The following TFEC variants were observed in gnomAD, a reference collection of about 807,000 sequenced individuals.
TFEC encodes the protein transcription factor EC.
A neutral mutation model predicts 41.6 loss-of-function variants in TFEC; 31 were observed. That is an observed-to-expected ratio of 0.74 (90% CI 0.56 to 1.01). The LOEUF is 1.01. Ranked by LOEUF, TFEC falls within the 50% of genes least tolerant of loss-of-function variation. The pLI, the probability that TFEC is intolerant of heterozygous loss-of-function variation, is 0.00. For synonymous variants in TFEC, 143 were observed against 140.6 expected (o/e 1.02, Z -0.12); for missense variants, 402 against 404.1 (o/e 0.99, Z 0.04).
chr7:116,088,204 T>C (rs939452683), intron 3 of TFEC, among the ~76,000 whole-genome samples: 7 of 151,972 alleles, frequency 4.6e-5, no homozygotes, highest in African/African-American at 1.7e-4. Flanking sequence ...TCTAACCTTC[T>C]CAAAGAGTGG....
At chr7:116,067,790 T>G (rs1796729657) in intron 3 of TFEC, among the ~76,000 whole-genome samples, 1 of 151,968 alleles carries the variant, frequency 6.6e-6, no homozygotes, top group Non-Finnish European at 1.5e-5. Context: ...TTACTCCACA[T>G]TCCTCTTCGG....
intron 1 of TFEC, among the ~76,000 whole-genome samples, chr7:116,114,680 C>G (rs770554306): frequency 4.6e-5 from 7 of 151,912 alleles, no homozygotes; most frequent in South Asian, 2.1e-4. Context: ...ATCTCTTGGT[C>G]AAAGACCTTT....
At chr7:116,084,457 A>G (rs1797157943) in intron 3 of TFEC, among the ~76,000 whole-genome samples, 1 of 151,838 alleles carries the variant, frequency 6.6e-6, no homozygotes, top group African/African-American at 2.4e-5. Context: ...ACCTTTCTAC[A>G]CTGAGTCCGA....
intron 1 of TFEC, among the ~76,000 whole-genome samples, chr7:116,144,729 T>C (rs1472409531): frequency 1.3e-5 from 2 of 152,174 alleles, no homozygotes; most frequent in Non-Finnish European, 2.9e-5. Flanking sequence ...ATCCAATCAG[T>C]TGAAAGCCTT....
intron 1 of TFEC, among the ~76,000 whole-genome samples, chr7:116,017,573 TG>T (rs1367697503): frequency 5.9e-5 from 9 of 152,088 alleles, no homozygotes; most frequent in Admixed American, 5.9e-4. Context: ...ACCTTCGTGT[TG>T]AATAGGTGAT....
At chr7:116,026,318 G>C (rs1795582398) in intron 1 of TFEC, among the ~76,000 whole-genome samples, 1 of 152,152 alleles carries the variant, frequency 6.6e-6, no homozygotes, top group Non-Finnish European at 1.5e-5. Context: ...TTAAAGATAT[G>C]CTTCACCCAT....
chr7:116,030,103 T>C (rs1189178458), intron 1 of TFEC, among the ~76,000 whole-genome samples: 1 of 152,112 alleles, frequency 6.6e-6, no homozygotes, highest in African/African-American at 2.4e-5. Context: ...TGACATCTTC[T>C]ACACAAGCTA....
Position 115,939,914 on chromosome 7 carries a change from A to G in TFEC, c.*637T>C, listed in dbSNP as rs1178807599. The G allele has an allele frequency of 2.0e-5, 3 of 152,092 alleles. No individual in the cohort carries two copies. The highest frequency in any genetic ancestry group is 7.2e-5 in the African/African-American group (3 of 41,444). 9.4% of individuals were successfully genotyped at this position (152,092 alleles called of 1,614,324 possible). A position where few individuals can be genotyped will look rare whatever the true frequency, so the allele number is the denominator to read the frequency against. ...TAGAATTAGTGTAATTGAACCAACT[A>G]CAATAAAATGAGGATCTAATTTTAG... On this transcript the variant is annotated 3_prime_UTR_variant, in exon 8 of 8. Transcript: ENST00000265440.
chr7:115,961,265 C>T (rs1306209956), intron 3 of TFEC, among the ~76,000 whole-genome samples: 1 of 151,608 alleles, frequency 6.6e-6, no homozygotes, highest in Non-Finnish European at 1.5e-5. Context: ...AAACCCTCAA[C>T]ACATTTCATA....
At chr7:115,971,383 C>A (rs1400431477) in intron 3 of TFEC, among the ~76,000 whole-genome samples, 2 of 151,384 alleles carry the variant, frequency 1.3e-5, no homozygotes, top group Non-Finnish European at 3.0e-5. Context: ...AAAAAAAAAA[C>A]CTTACATATC....
At chr7:115,989,945 C>A (rs1794032403) in intron 1 of TFEC, among the ~76,000 whole-genome samples, 1 of 152,138 alleles carries the variant, frequency 6.6e-6, no homozygotes, top group Admixed American at 6.6e-5. Context: ...GGTCCCTGAC[C>A]CCCAAATAAC....
At chr7:116,139,619 C>A (rs1212206391) in intron 1 of TFEC, among the ~76,000 whole-genome samples, 2 of 152,122 alleles carry the variant, frequency 1.3e-5, no homozygotes, top group African/African-American at 4.8e-5. Flanking sequence ...TAAACCAAAT[C>A]TTAAGAAACA....
intron 1 of TFEC, among the ~76,000 whole-genome samples, chr7:116,007,203 TC>T (rs1484523600): frequency 6.6e-6 from 1 of 151,986 alleles, no homozygotes; most frequent in African/African-American, 2.4e-5. Context: ...CTGATAGAGA[TC>T]CATGGGAAAG....
intron 3 of TFEC, among the ~76,000 whole-genome samples, chr7:115,963,478 T>A (rs889648948): frequency 6.6e-6 from 1 of 151,706 alleles, no homozygotes; most frequent in Admixed American, 6.6e-5. Context: ...AAACAGATAA[T>A]TGTACACCAG....
intron 1 of TFEC, among the ~76,000 whole-genome samples, chr7:116,127,216 C>T (rs1325785727): frequency 6.6e-6 from 1 of 152,032 alleles, no homozygotes; most frequent in Non-Finnish European, 1.5e-5. Context: ...CTGCCTCAGC[C>T]TCCCGAGTAG....
At chr7:116,150,824 T>C (rs1031080807) in intron 1 of TFEC, among the ~76,000 whole-genome samples, 1 of 152,180 alleles carries the variant, frequency 6.6e-6, no homozygotes, top group Non-Finnish European at 1.5e-5. Context: ...GGAAGGCATG[T>C]GAGTGTGACT....
chr7:115,970,707 A>T (rs1375773447), intron 3 of TFEC, among the ~76,000 whole-genome samples: 1 of 151,944 alleles, frequency 6.6e-6, no homozygotes, highest in Non-Finnish European at 1.5e-5. Context: ...ATGAACTAGG[A>T]CAATTATTCA....
At chr7:116,117,185 T>A (rs1392768665) in intron 1 of TFEC, among the ~76,000 whole-genome samples, 1 of 151,856 alleles carries the variant, frequency 6.6e-6, no homozygotes, top group African/African-American at 2.4e-5. Flanking sequence ...ACTTCTCATT[T>A]AATCTGCTTG....
At chr7:116,065,631 T>C (rs371827286) in intron 3 of TFEC, among the ~76,000 whole-genome samples, 43 of 152,062 alleles carry the variant, frequency 2.8e-4, no homozygotes, top group African/African-American at 1.0e-3. Context: ...GCAATACTTG[T>C]GTATGGAGTT....
Sources: allele counts gnomAD v4.1 joint callset (sites outside exome capture counted in the v4.1 genomes callset), GRCh38; gene constraint gnomAD v4.1.1; transcripts MANE v1.5; gene names NCBI Gene and HGNC (gene_info 2026-07-23, HGNC 2026-07-21).